Variants in GPC5 observed in about 807,000 individuals in gnomAD.
GPC5 encodes the protein glypican 5.
A neutral mutation model predicts 53.9 loss-of-function variants in GPC5; 47 were observed. The observed-to-expected ratio is 0.87, with a 90% CI of 0.69 to 1.11. GPC5 has a LOEUF of 1.11. Ranked by LOEUF, GPC5 falls within the 50% of genes most tolerant of loss-of-function variation. The probability of loss-of-function intolerance (pLI) is 0.00; values close to 1 mark genes in which losing one functional copy is unlikely to be tolerated. For synonymous variants in GPC5, 286 were observed against 263.3 expected (o/e 1.09, Z -0.84); for missense variants, 748 against 713.1 (o/e 1.05, Z -0.56).
At chr13:91,554,122 C>G (rs1353905975) in intron 2 of GPC5, among the ~76,000 whole-genome samples, 1 of 152,030 alleles carries the variant, frequency 6.6e-6, no homozygotes, top group African/African-American at 2.4e-5. Context: ...AAAACTGGAC[C>G]TTCTAGTTTG....
intron 7 of GPC5, among the ~76,000 whole-genome samples, chr13:92,451,102 T>C (rs1878042514): frequency 6.6e-6 from 1 of 152,202 alleles, no homozygotes; most frequent in African/African-American, 2.4e-5. Context: ...AATATGTACA[T>C]GTGCCAATAT....
chr13:91,896,201 C>G (rs1454580748), intron 5 of GPC5, among the ~76,000 whole-genome samples: 1 of 150,834 alleles, frequency 6.6e-6, no homozygotes, highest in Non-Finnish European at 1.5e-5. Context: ...CTCACTGCAA[C>G]CTCCACCTCC....
At chr13:91,772,579 T>C (rs1351607680) in intron 5 of GPC5, among the ~76,000 whole-genome samples, 1 of 152,178 alleles carries the variant, frequency 6.6e-6, no homozygotes, top group Non-Finnish European at 1.5e-5. Flanking sequence ...AATATAGGTA[T>C]TTCCTTCAAT....
At chr13:92,112,776 C>A (rs1212879270) in intron 6 of GPC5, among the ~76,000 whole-genome samples, 1 of 151,990 alleles carries the variant, frequency 6.6e-6, no homozygotes, top group African/African-American at 2.4e-5. Flanking sequence ...TGTGAAAAAT[C>A]TGAGCATAGT....
Position 92,516,438 on chromosome 13 carries a change from T to C in GPC5, c.1562-349844T>C, listed in dbSNP as rs558345756. 4.1e-4 allele frequency among the ~76,000 whole-genome samples: 63 copies of C among 152,312 alleles called. 1 individual carries two copies. The South Asian group carries it at 0.012, about 30-fold the overall frequency. ...CTTGATATATTATGGGGATAAAACT[T>C]CTTCCTGCTAGAGTCAAAATGGCTA... On this transcript the variant is annotated intron_variant, in intron 7 of 7. Coordinates refer to ENST00000377067, the MANE Select transcript of GPC5 (RefSeq NM_004466.6).
chr13:91,618,972 T>C (rs939541664), intron 2 of GPC5, among the ~76,000 whole-genome samples: 1 of 152,098 alleles, frequency 6.6e-6, no homozygotes, highest in Non-Finnish European at 1.5e-5. Flanking sequence ...ACTACTACTA[T>C]AGCACTACTA....
At chr13:91,904,203 G>A (rs1200575272) in intron 5 of GPC5, among the ~76,000 whole-genome samples, 1 of 131,544 alleles carries the variant, frequency 7.6e-6, no homozygotes, top group Non-Finnish European at 1.6e-5. Context: ...AGGTCTGTGA[G>A]TTTTATACTC....
intron 7 of GPC5, among the ~76,000 whole-genome samples, chr13:92,861,051 A>G (rs1022515501): frequency 9.9e-5 from 15 of 152,080 alleles, no homozygotes; most frequent in Admixed American, 2.0e-4. Context: ...AGAGCATGAA[A>G]GTATATATAT....
At chr13:92,517,585 C>T (rs934244542) in intron 7 of GPC5, among the ~76,000 whole-genome samples, 2 of 152,170 alleles carry the variant, frequency 1.3e-5, no homozygotes, top group African/African-American at 4.8e-5. Context: ...TGGAGTGGAC[C>T]TCTGGCAAAC....
intron 7 of GPC5, among the ~76,000 whole-genome samples, chr13:92,315,484 A>T (rs1446667962): frequency 6.6e-6 from 1 of 152,174 alleles, no homozygotes; most frequent in South Asian, 2.1e-4. Flanking sequence ...GAAAAGCCCC[A>T]ATCATTTCTG....
chr13:92,115,016 A>G (rs867352667), intron 6 of GPC5, among the ~76,000 whole-genome samples: 1 of 152,198 alleles, frequency 6.6e-6, no homozygotes, highest in Non-Finnish European at 1.5e-5. Context: ...TTGCTAAAGT[A>G]TATATATTTT....
At chr13:91,938,068 C>T (rs1285664145) in intron 6 of GPC5, among the ~76,000 whole-genome samples, 3 of 151,970 alleles carry the variant, frequency 2.0e-5, no homozygotes, top group African/African-American at 4.8e-5. Flanking sequence ...AGATTTGTGG[C>T]AGCCTAGAGC....
At chr13:91,548,024 G>T in intron 2 of GPC5, among the ~76,000 whole-genome samples, 1 of 152,088 alleles carries the variant, frequency 6.6e-6, no homozygotes, top group East Asian at 1.9e-4. Context: ...TTAATGAAGA[G>T]AAACTAGAAG....
At chr13:92,399,770 T>G (rs1306975249) in intron 7 of GPC5, among the ~76,000 whole-genome samples, 2 of 152,196 alleles carry the variant, frequency 1.3e-5, no homozygotes, top group Non-Finnish European at 2.9e-5. Flanking sequence ...TATCGTATAT[T>G]TACCTAAGCA....
At chr13:92,345,509 A>G (rs2043403769) in intron 7 of GPC5, among the ~76,000 whole-genome samples, 1 of 152,182 alleles carries the variant, frequency 6.6e-6, no homozygotes, top group Admixed American at 6.6e-5. Flanking sequence ...CACAGAAAGT[A>G]TAGCTAGCAA....
intron 7 of GPC5, among the ~76,000 whole-genome samples, chr13:92,711,894 A>G (rs1888151145): frequency 6.6e-6 from 1 of 152,002 alleles, no homozygotes; most frequent in Admixed American, 6.6e-5. Flanking sequence ...GATACAACAT[A>G]TCAAAATTGT....
chr13:91,817,419 C>T (rs1190179227), intron 5 of GPC5, among the ~76,000 whole-genome samples: 1 of 152,098 alleles, frequency 6.6e-6, no homozygotes, highest in Non-Finnish European at 1.5e-5. Context: ...AATGCGCAGT[C>T]ATGTCTGTAG....
At chr13:91,572,037 G>A (rs1232788149) in intron 2 of GPC5, among the ~76,000 whole-genome samples, 11 of 101,638 alleles carry the variant, frequency 1.1e-4, no homozygotes, top group African/African-American at 7.1e-4. Context: ...GTATATATGT[G>A]TATATACACA....
intron 7 of GPC5, among the ~76,000 whole-genome samples, chr13:92,544,493 G>T (rs1361928767): frequency 6.6e-6 from 1 of 152,100 alleles, no homozygotes; most frequent in African/African-American, 2.4e-5. Context: ...CATTATTTGG[G>T]TGTTATTATT....
Sources: allele counts gnomAD v4.1 joint callset (sites outside exome capture counted in the v4.1 genomes callset), GRCh38; gene constraint gnomAD v4.1.1; transcripts MANE v1.5; gene names NCBI Gene and HGNC (gene_info 2026-07-23, HGNC 2026-07-21).